Variants in SOX6 observed in about 807,000 individuals in gnomAD.
SOX6 encodes the protein SRY-box transcription factor 6, also known as transcription factor SOX-6.
A neutral mutation model predicts 97.8 loss-of-function variants in SOX6; 11 were observed. The observed-to-expected ratio is 0.11, with a 90% CI of 0.07 to 0.19. The LOEUF is 0.19. SOX6 is among the 10% of genes least tolerant of loss of function. The pLI is 1.00. For missense variants in SOX6, 810 were observed against 1,039.5 expected, an observed-to-expected ratio of 0.78 and a Z score of 3.04; for synonymous variants, 360 against 371.4, an observed-to-expected ratio of 0.97 and a Z score of 0.35.
chr11:16,166,891 A>G (rs990586409), intron 6 of SOX6, among the ~76,000 whole-genome samples: 3 of 152,206 alleles, frequency 2.0e-5, no homozygotes, highest in Admixed American at 6.5e-5. Context: ...AAGTTTATTA[A>G]CTAGTACAAA....
intron 4 of SOX6, among the ~76,000 whole-genome samples, chr11:16,503,936 G>A (rs528184365): frequency 1.2e-4 from 18 of 152,034 alleles, no homozygotes; most frequent in Admixed American, 2.0e-4. Context: ...CCAGCTACTC[G>A]GGAGGTTGAG....
intron 4 of SOX6, chr11:16,484,473 C>A (rs1294965972): frequency 6.2e-6 from 5 of 809,664 alleles, no homozygotes; most frequent in African/African-American, 1.7e-5. Context: ...CACTTCACCA[C>A]CTGCTCCCTG....
chr11:16,211,136 T>C (rs1249603664), intron 4 of SOX6, among the ~76,000 whole-genome samples: 4 of 152,030 alleles, frequency 2.6e-5, no homozygotes, highest in Admixed American at 6.6e-5. Flanking sequence ...GGGAGATTAA[T>C]AGAAGATGAA....
intron 1 of SOX6, among the ~76,000 whole-genome samples, chr11:16,394,162 A>G (rs774666003): frequency 2.8e-4 from 42 of 152,104 alleles, no homozygotes; most frequent in Admixed American, 9.2e-4. Flanking sequence ...TATTTTTACT[A>G]TGCATATCAT....
chr11:16,143,698 A>C (rs1373028478), intron 6 of SOX6, among the ~76,000 whole-genome samples: 1 of 152,054 alleles, frequency 6.6e-6, no homozygotes, highest in Non-Finnish European at 1.5e-5. Context: ...CAGGGGTTGC[A>C]ATCCTAGTCT....
At chr11:16,319,943 A>G (rs1222306878) in intron 2 of SOX6, among the ~76,000 whole-genome samples, 9 of 152,090 alleles carry the variant, frequency 5.9e-5, no homozygotes, top group African/African-American at 2.2e-4. Flanking sequence ...TTTGTGCAGG[A>G]ATTACTTCAT....
At chr11:15,992,918 C>T (rs1188207383) in intron 13 of SOX6, among the ~76,000 whole-genome samples, 5 of 151,938 alleles carry the variant, frequency 3.3e-5, no homozygotes, top group Non-Finnish European at 7.4e-5. Context: ...AAGCTGACAA[C>T]TTATCTATTA....
chr11:16,370,174 A>G (rs1230645930), intron 1 of SOX6, among the ~76,000 whole-genome samples: 1 of 152,118 alleles, frequency 6.6e-6, no homozygotes, highest in East Asian at 1.9e-4. Flanking sequence ...AGGTTTCAGT[A>G]ACACAAATTT....
chr11:16,246,979 C>T (rs923586771), intron 3 of SOX6, among the ~76,000 whole-genome samples: 7 of 152,022 alleles, frequency 4.6e-5, no homozygotes, highest in African/African-American at 1.7e-4. Context: ...TATAGAAACC[C>T]TCCTGTGATA....
upstream of SOX6, among the ~76,000 whole-genome samples, chr11:16,359,890 C>G (rs1199002752): frequency 6.6e-6 from 1 of 152,168 alleles, no homozygotes; most frequent in Non-Finnish European, 1.5e-5. Flanking sequence ...AACCCCACAA[C>G]AAAGCTACCA....
At chr11:16,324,006 G>T (rs936423509) in intron 2 of SOX6, among the ~76,000 whole-genome samples, 3 of 151,872 alleles carry the variant, frequency 2.0e-5, no homozygotes, top group Admixed American at 6.6e-5. Flanking sequence ...AACATAGCAA[G>T]ACCCCATCCC....
chr11:16,485,856 T>A (rs541266999), intron 4 of SOX6, among the ~76,000 whole-genome samples: 1 of 143,940 alleles, frequency 6.9e-6, no homozygotes, highest in South Asian at 2.3e-4. Context: ...ATCACGCCAC[T>A]GCATTCTATC....
At chr11:16,535,483 G>T (rs115765035) in intron 4 of SOX6, among the ~76,000 whole-genome samples, 2,138 of 152,110 alleles carry the variant, frequency 0.014, 42 homozygotes, top group East Asian at 0.052. Context: ...ACCAGCCTAG[G>T]CAACATGGCA....
intron 7 of SOX6, among the ~76,000 whole-genome samples, chr11:16,106,832 G>T (rs981791571): frequency 6.6e-6 from 1 of 152,022 alleles, no homozygotes; most frequent in Non-Finnish European, 1.5e-5. Context: ...GAAAATATTT[G>T]TAAATGATAT....
At chr11:16,003,785 T>C (rs957086245) in intron 13 of SOX6, among the ~76,000 whole-genome samples, 15 of 152,104 alleles carry the variant, frequency 9.9e-5, no homozygotes, top group African/African-American at 3.6e-4. Context: ...TATAAAACAA[T>C]AATAATTTTG....
chr11:16,591,351 AC>A (rs1848150572), intron 4 of SOX6, among the ~76,000 whole-genome samples: 1 of 46,802 alleles, frequency 2.1e-5, no homozygotes, highest in African/African-American at 7.8e-5. Flanking sequence ...AGATAGATAG[AC>A]AGATAGATAG....
chr11:16,481,899 C>T (rs1860349901), intron 4 of SOX6, among the ~76,000 whole-genome samples: 1 of 151,830 alleles, frequency 6.6e-6, no homozygotes, highest in South Asian at 2.1e-4. Flanking sequence ...AATAATAAAC[C>T]TATTACATAG....
intron 9 of SOX6, among the ~76,000 whole-genome samples, chr11:16,075,901 G>T (rs564438950): frequency 6.6e-6 from 1 of 151,996 alleles, no homozygotes; most frequent in South Asian, 2.1e-4. Context: ...GATCTCATGA[G>T]ACTTATTCAC....
At chr11:16,504,558 C>A (rs1446474860) in intron 4 of SOX6, among the ~76,000 whole-genome samples, 1 of 135,358 alleles carries the variant, frequency 7.4e-6, no homozygotes, top group Admixed American at 8.0e-5. Context: ...AAACTGTAAA[C>A]CACTGATGGA....
Sources: allele counts gnomAD v4.1 joint callset (sites outside exome capture counted in the v4.1 genomes callset), GRCh38; gene constraint gnomAD v4.1.1; transcripts MANE v1.5; gene names NCBI Gene and HGNC (gene_info 2026-07-23, HGNC 2026-07-21).